The following BCL7C variants were observed in gnomAD, a reference collection of about 807,000 sequenced individuals.
BCL7C encodes the protein B-cell CLL/lymphoma 7 protein family member C.
A neutral mutation model predicts 26.2 loss-of-function variants in BCL7C; 8 were observed. The observed-to-expected ratio is 0.30, with a 90% confidence interval of 0.18 to 0.55. BCL7C has a LOEUF of 0.55. Among genes scored for constraint, BCL7C ranks in the 20% least tolerant of loss-of-function variants. BCL7C has a pLI of 0.93. For missense variants in BCL7C, 262 were observed against 298.5 expected (o/e 0.88, Z 0.90); for synonymous variants, 90 against 116.5 (o/e 0.77, Z 1.47).
rs2054558767 is a variant in BCL7C, at chr16:30,834,688, T to G, written c.*260A>C. On this transcript the variant is annotated 3_prime_UTR_variant, in exon 6 of 6. Transcript: ENST00000380317. This position sits in a 1 kb window ranked among gnomAD's most constrained non-coding sequence, Gnocchi z 4.3. ...GAGGCAGCCCAGTGCACCCCTCCCC[T>G]AGGCCTCTAGCAAGGCGGCCTCAGG... The G allele has an allele frequency of 2.8e-6, 1 of 361,436 alleles. No individual in the cohort carries two copies. The highest frequency in any genetic ancestry group is 4.5e-5 in the Admixed American group (1 of 22,394). 22.4% of individuals were successfully genotyped at this position (361,436 alleles called of 1,614,324 possible).
At chr16:30,876,093 C>T (rs920515258) in intron 5 of BCL7C, 1 of 152,334 alleles carries the variant, frequency 6.6e-6, no homozygotes, top group African/African-American at 2.4e-5. Flanking sequence ...ACTGCAAATC[C>T]ACAGGCAAAT....
Position 30,859,612 on chromosome 16 carries a change from T to TA in BCL7C, c.529-24465dup, listed in dbSNP as rs112815685. 3.9e-3 allele frequency among the ~76,000 whole-genome samples: 589 copies of TA among 150,872 alleles called. 10 individuals are homozygous for TA. The highest frequency in any genetic ancestry group is 0.014 in the African/African-American group (564 of 41,456). The stretch of plus-strand genomic sequence containing the variant: ...TTTGTTCCTGCCCCACTCTAACTGA[T>TA]ACGATATATTCTCCCCCCTCCCCAC... On this transcript the variant is annotated intron_variant, in intron 5 of 5. Transcript: ENST00000380317.
chr16:30,868,584 G>A (rs1419580968), intron 5 of BCL7C, among the ~76,000 whole-genome samples: 17 of 151,802 alleles, frequency 1.1e-4, no homozygotes, highest in Admixed American at 9.8e-4. Context: ...TCGGGAGTTC[G>A]AGACCAGCCT....
At position 30,867,327 on chromosome 16, in the gene BCL7C, T is replaced by C. The variant is rs146391026; in HGVS notation, c.528+21533A>G. On this transcript the variant is annotated intron_variant, in intron 5 of 5. Coordinates refer to the BCL7C transcript ENST00000380317. ...ATTTTTCTATGAATATTTATGTATA[T>C]GGATGTTTCATAAGTGGTAGGCAGA... Among the ~76,000 whole-genome samples, 673 of 152,272 alleles carry C rather than the reference T, an allele frequency of 4.4e-3. 3 individuals carry two copies. Among genetic ancestry groups the C allele is most frequent in the Non-Finnish European group, 6.5e-3 (442 of 68,020 alleles).
rs2054558858 is a variant in BCL7C, at chr16:30,834,708, C to T, written c.*240G>A. ...TCCCCTAGGCCTCTAGCAAGGCGGC[C>T]TCAGGCACTGGATGTGGTCCGAGTT... On this transcript the variant is annotated 3_prime_UTR_variant, in exon 6 of 6. Coordinates refer to the BCL7C transcript ENST00000380317. The surrounding 1 kb of genome is among the most constrained non-coding windows in gnomAD (Gnocchi z 4.3). 4.9e-6 allele frequency: 2 copies of T among 411,950 alleles called. No individual in the cohort carries two copies. The highest frequency in any genetic ancestry group is 4.8e-5 in the South Asian group (1 of 20,980). The allele number at this position is 411,950 out of a possible 1,614,324, so 25.5% of individuals were successfully genotyped here.
chr16:30,885,369 GGA>G (rs984258107), downstream of BCL7C, among the ~76,000 whole-genome samples: 1 of 151,846 alleles, frequency 6.6e-6, no homozygotes, highest in Non-Finnish European at 1.5e-5. Flanking sequence ...GACTAACTTT[GGA>G]CTTCTCCAGA....
intron 5 of BCL7C, among the ~76,000 whole-genome samples, chr16:30,869,907 TTAGAAGA>T (rs1237857753): frequency 6.6e-6 from 1 of 152,196 alleles, no homozygotes; most frequent in Admixed American, 6.5e-5. Context: ...TGCCCTTAAA[TTAGAAGA>T]TAGAATGAGG....
chr16:30,856,459 A>C (rs2054723179), intron 5 of BCL7C, among the ~76,000 whole-genome samples: 1 of 151,376 alleles, frequency 6.6e-6, no homozygotes, highest in Non-Finnish European at 1.5e-5. Context: ...AAAAAAAAAA[A>C]AGTGTGGCAG....
At chr16:30,887,790 C>T, downstream of BCL7C, 2 of 1,508,288 alleles carry the variant, frequency 1.3e-6, no homozygotes, top group Non-Finnish European at 1.8e-6. Context: ...TGACATGACA[C>T]AAAATTACAA....
At chr16:30,879,503 A>G (rs2055005777) in intron 5 of BCL7C, among the ~76,000 whole-genome samples, 1 of 151,922 alleles carries the variant, frequency 6.6e-6, no homozygotes, top group Non-Finnish European at 1.5e-5. Flanking sequence ...CAAAAGAGTT[A>G]CATACTGCTT....
chr16:30,857,258 C>A (rs915473681), intron 5 of BCL7C, among the ~76,000 whole-genome samples: 2 of 151,810 alleles, frequency 1.3e-5, no homozygotes, highest in African/African-American at 4.8e-5. Flanking sequence ...CACGGTGGTG[C>A]ATGCCTGTAG....
chr16:30,868,294 A>ATTT (rs542877918), intron 5 of BCL7C, among the ~76,000 whole-genome samples: 1 of 134,226 alleles, frequency 7.5e-6, no homozygotes, highest in Admixed American at 7.5e-5. Context: ...GACCCGGCTA[A>ATTT]TTTTTTTTTT....
chr16:30,893,224 A>G lies in BCL7C; in HGVS notation c.159T>C (p.Asp53=), dbSNP rs2143194363. The G allele has an allele frequency of 1.2e-6, 2 of 1,613,298 alleles. No individual in the cohort carries two copies. Among genetic ancestry groups the G allele is most frequent in the Non-Finnish European group, 1.7e-6 (2 of 1,179,584 alleles). The part of the protein sequence containing the change: ...LRIFKWVPVV[D]PQEEERRRAG... ...GGGGGTTGCTCACCTCCTCCTGGGG[A>G]TCCACCACTGGCACCCACTTGAAGA... Residue 53 remains aspartate, a synonymous_variant, in exon 2 of 6, where the codon GAT becomes GAC. Coordinates refer to ENST00000215115, the MANE Select transcript of BCL7C (RefSeq NM_004765.4). This position sits in a 1 kb window ranked among gnomAD's most constrained non-coding sequence, Gnocchi z 5.2.
chr16:30,846,822 G>A (rs2054639522), intron 5 of BCL7C, among the ~76,000 whole-genome samples: 1 of 152,238 alleles, frequency 6.6e-6, no homozygotes, highest in South Asian at 2.1e-4. Context: ...GCCTTGGGAA[G>A]TGGGATGCCA....
Position 30,893,286 on chromosome 16 carries a change from T to G in BCL7C, c.97A>C (p.Lys33Gln). 6.2e-7 allele frequency: 1 copy of G among 1,612,390 alleles called. No homozygotes were observed. The highest frequency in any genetic ancestry group is 8.5e-7 in the Non-Finnish European group (1 of 1,179,134). Residue 33 changes from lysine (K) to glutamine (Q), a missense_variant, in exon 2 of 6, where the codon AAG becomes CAG. Transcript: ENST00000215115. The surrounding 1 kb of genome is among the most constrained non-coding windows in gnomAD (Gnocchi z 5.2). ...GTGTCGCCCACAGTCACCCATCGCT[T>G]CTCCCTGTGGGAGGGTGGGGGGCTG... ...ATIEKVRRWE[K>Q]RWVTVGDTSL...
intron 5 of BCL7C, among the ~76,000 whole-genome samples, chr16:30,881,988 A>G (rs2055051125): frequency 6.6e-6 from 1 of 151,064 alleles, no homozygotes; most frequent in Non-Finnish European, 1.5e-5. Context: ...TTTTTGAGAC[A>G]GAATCTCACT....
chr16:30,859,771 T>C (rs1442936065), intron 5 of BCL7C, among the ~76,000 whole-genome samples: 2 of 152,232 alleles, frequency 1.3e-5, no homozygotes, highest in African/African-American at 4.8e-5. Flanking sequence ...CACCACCCTT[T>C]GCTGATTCTG....
intron 4 of BCL7C, among the ~76,000 whole-genome samples, chr16:30,890,249 CCGGGTG>C (rs2055205390): frequency 6.6e-6 from 1 of 151,708 alleles, no homozygotes; most frequent in Admixed American, 6.6e-5. Flanking sequence ...CAAAAATTAG[CCGGGTG>C]TGGTGTTGTG....
At chr16:30,888,979 AGCCACTCTGT>A (rs1286266739) in intron 4 of BCL7C, 34 bp from the exon 5 acceptor site, 3 of 1,600,204 alleles carry the variant, frequency 1.9e-6, no homozygotes, top group Middle Eastern at 1.7e-4. Flanking sequence ...TCCCCTGAAC[AGCCACTCTGT>A]GCCAGCAGCA....
Sources: allele counts gnomAD v4.1 joint callset (sites outside exome capture counted in the v4.1 genomes callset), GRCh38; gene constraint gnomAD v4.1.1; non-coding constraint Gnocchi (gnomAD v3.1); transcripts MANE v1.5; gene names NCBI Gene and HGNC (gene_info 2026-07-23, HGNC 2026-07-21).